Variants in DCLK1 observed in about 807,000 individuals in gnomAD.
DCLK1 encodes doublecortin like kinase 1, also known as serine/threonine-protein kinase DCLK1.
A neutral mutation model predicts 86.2 loss-of-function variants in DCLK1; 16 were observed. That is an observed-to-expected ratio of 0.19 (90% CI 0.13 to 0.28). DCLK1 has a LOEUF of 0.28. Among genes scored for constraint, DCLK1 ranks in the 10% least tolerant of loss-of-function variants. The probability of loss-of-function intolerance (pLI) is 1.00; values close to 1 mark genes in which losing one functional copy is unlikely to be tolerated. For missense variants in DCLK1, 590 were observed against 940.2 expected, an observed-to-expected ratio of 0.63 and a Z score of 4.87; for synonymous variants, 369 against 370.5, an observed-to-expected ratio of 1.00 and a Z score of 0.05.
Position 36,125,742 on chromosome 13 carries a change from G to C in DCLK1, c.376+20C>G, listed in dbSNP as rs199536928. The C allele has an allele frequency of 3.5e-3, 5,574 of 1,602,556 alleles. 14 individuals carry two copies. The highest frequency in any genetic ancestry group is 3.9e-3 in the Non-Finnish European group (4,592 of 1,173,462). ...CCTGGAACCTGTAGGGTCACGTGGG[G>C]GTTATCTCACAGCGCTCACCTTCCA... On this transcript the variant is annotated intron_variant, in intron 2 of 16. Coordinates refer to ENST00000360631, the MANE Select transcript of DCLK1 (RefSeq NM_001330071.2).
chr13:36,104,723 C>T (rs1408989316), intron 3 of DCLK1, among the ~76,000 whole-genome samples: 1 of 151,148 alleles, frequency 6.6e-6, no homozygotes, highest in Non-Finnish European at 1.5e-5. Flanking sequence ...TAGAAAGATG[C>T]CTTTAAGGAA....
chr13:36,061,931 G>A (rs920352848), intron 3 of DCLK1, among the ~76,000 whole-genome samples: 4 of 152,084 alleles, frequency 2.6e-5, no homozygotes, highest in Non-Finnish European at 5.9e-5. Context: ...ACCACAACTC[G>A]TTGGAAACCC....
chr13:35,915,863 G>A (rs924090699), intron 4 of DCLK1, among the ~76,000 whole-genome samples: 4 of 152,074 alleles, frequency 2.6e-5, no homozygotes, highest in African/African-American at 9.7e-5. Context: ...ACCTGTGTAG[G>A]CTGCCACCAA....
At position 36,006,788 on chromosome 13, in the gene DCLK1, G is replaced by C. The variant is rs545245221; in HGVS notation, c.724-59331C>G. Among the ~76,000 whole-genome samples the C allele has an allele frequency of 1.2e-4, 18 of 152,336 alleles. 1 individual carries two copies. In the South Asian group the frequency reaches 3.3e-3, roughly 28 times the overall value. On this transcript the variant is annotated intron_variant, in intron 3 of 16. Coordinates refer to ENST00000360631, the MANE Select transcript of DCLK1 (RefSeq NM_001330071.2). ...TAGAGGACTCAGGTTTAGGGCAAAA[G>C]CTAGCTGACCCCAGTCAAGTAACTT...
chr13:36,076,650 A>G (rs1161088948), intron 3 of DCLK1, among the ~76,000 whole-genome samples: 3 of 152,208 alleles, frequency 2.0e-5, no homozygotes, highest in Non-Finnish European at 4.4e-5. Context: ...TATTAATTCA[A>G]TGATTTGTGG....
At chr13:35,926,670 T>A (rs980847518) in intron 4 of DCLK1, among the ~76,000 whole-genome samples, 3 of 152,212 alleles carry the variant, frequency 2.0e-5, no homozygotes, top group African/African-American at 7.2e-5. Context: ...AAAAATAATA[T>A]CACCAAGTAG....
chr13:36,005,070 A>C lies in DCLK1; in HGVS notation c.724-57613T>G, dbSNP rs17068382. ...AGACTGGTAAGCCCAACAGAGCTTT[A>C]ATCAAATGCCACTGTATATGATTTT... On this transcript the variant is annotated intron_variant, in intron 3 of 16. Transcript: ENST00000360631. Among the ~76,000 whole-genome samples, 389 of 152,326 alleles carry C rather than the reference A, an allele frequency of 2.6e-3. 3 individuals are homozygous for C. The highest frequency in any genetic ancestry group is 9.0e-3 in the African/African-American group (373 of 41,572).
At chr13:35,912,236 T>C (rs1875083695) in intron 4 of DCLK1, among the ~76,000 whole-genome samples, 1 of 152,222 alleles carries the variant, frequency 6.6e-6, no homozygotes, top group Admixed American at 6.5e-5. Flanking sequence ...GGCACAGAAA[T>C]TGTAGGCAGA....
chr13:35,811,835 A>G (rs1025104974), intron 11 of DCLK1, among the ~76,000 whole-genome samples: 7 of 146,396 alleles, frequency 4.8e-5, no homozygotes, highest in Admixed American at 2.7e-4. Context: ...AATCTGTCTG[A>G]AAAAAAAAAA....
At chr13:35,904,784 C>T (rs1479985285) in intron 4 of DCLK1, among the ~76,000 whole-genome samples, 2 of 152,174 alleles carry the variant, frequency 1.3e-5, no homozygotes, top group African/African-American at 4.8e-5. Context: ...TGCTCGGGCA[C>T]GGACAGCATG....
intron 5 of DCLK1, among the ~76,000 whole-genome samples, chr13:35,870,013 GCCTCATTTTAGGGCTCTAT>G (rs1304553680): frequency 1.3e-5 from 2 of 152,092 alleles, no homozygotes; most frequent in Non-Finnish European, 2.9e-5. Context: ...CTTTAGCAAT[GCCTCATTTTAGGGCTCTAT>G]CCTATCTACA....
At chr13:35,800,596 TAGAGGAA>T (rs2086899059) in intron 15 of DCLK1, among the ~76,000 whole-genome samples, 1 of 152,178 alleles carries the variant, frequency 6.6e-6, no homozygotes. Context: ...AAGGTGAACT[TAGAGGAA>T]GCTCCTGGAT....
chr13:36,072,678 G>A (rs1002817406), intron 3 of DCLK1, among the ~76,000 whole-genome samples: 8 of 152,142 alleles, frequency 5.3e-5, no homozygotes, highest in African/African-American at 1.9e-4. Flanking sequence ...GATCAATAAA[G>A]CTGTTGGACT....
At chr13:36,017,651 T>C (rs1412624510) in intron 3 of DCLK1, among the ~76,000 whole-genome samples, 1 of 152,184 alleles carries the variant, frequency 6.6e-6, no homozygotes. Flanking sequence ...ATTAATATGG[T>C]GTGTGTAGGG....
chr13:36,070,016 G>A lies in DCLK1; in HGVS notation c.723+41853C>T, dbSNP rs536701535. On this transcript the variant is annotated intron_variant, in intron 3 of 16. Transcript: ENST00000360631. ...GCCAACTTTATGTCCGGTGAAGAGTGAGGTTAGAAATGAATTTTGATGCAA... is the reference window on the plus strand; with the variant it reads ...GCCAACTTTATGTCCGGTGAAGAGTAAGGTTAGAAATGAATTTTGATGCAA... Among the ~76,000 whole-genome samples, 8 of 152,256 alleles carry A rather than the reference G, an allele frequency of 5.3e-5. No individual in the cohort carries two copies. The South Asian group carries it at 1.7e-3, about 32-fold the overall frequency.
chr13:36,005,092 T>C (rs1880892920), intron 3 of DCLK1, among the ~76,000 whole-genome samples: 1 of 152,130 alleles, frequency 6.6e-6, no homozygotes. Flanking sequence ...CTGTATATGA[T>C]TTTTGCCATT....
chr13:35,914,958 A>G (rs997210230), intron 4 of DCLK1, among the ~76,000 whole-genome samples: 10 of 152,206 alleles, frequency 6.6e-5, no homozygotes, highest in Non-Finnish European at 1.5e-4. Flanking sequence ...AGAGCCAATG[A>G]TTTTAGGAAT....
intron 6 of DCLK1, among the ~76,000 whole-genome samples, chr13:35,839,448 G>T (rs17052974): frequency 6.6e-6 from 1 of 152,048 alleles, no homozygotes; most frequent in Non-Finnish European, 1.5e-5. Context: ...GCTCAAAATC[G>T]GGGTCCTTTA....
chr13:35,990,567 C>T (rs144172418), intron 3 of DCLK1, among the ~76,000 whole-genome samples: 165 of 152,206 alleles, frequency 1.1e-3, no homozygotes, highest in South Asian at 9.5e-3. Flanking sequence ...GAGACAGTGG[C>T]TGTTGGTGTA....
Sources: allele counts gnomAD v4.1 joint callset (sites outside exome capture counted in the v4.1 genomes callset), GRCh38; gene constraint gnomAD v4.1.1; transcripts MANE v1.5; gene names NCBI Gene and HGNC (gene_info 2026-07-23, HGNC 2026-07-21).